FANCC: variants seen among roughly 807,000 people sequenced by gnomAD.
FANCC encodes Fanconi anemia group C protein.
In FANCC, 55 loss-of-function variants were observed where a neutral mutation model predicts 71.3. That is an observed-to-expected ratio of 0.77 (90% CI 0.62 to 0.97). The LOEUF is 0.97. Ranked by LOEUF, FANCC falls within the 50% of genes least tolerant of loss-of-function variation. The pLI is 0.00. For missense variants in FANCC, 678 were observed against 670.9 expected (o/e 1.01, Z -0.12); for synonymous variants, 275 against 244.9 (o/e 1.12, Z -1.15).
chr9:95,210,132 C>A (rs925757959), intron 4 of FANCC, among the ~76,000 whole-genome samples: 3 of 152,090 alleles, frequency 2.0e-5, no homozygotes, highest in Non-Finnish European at 4.4e-5. Flanking sequence ...ATTTTAGAAA[C>A]AGGAAAAATT....
At chr9:95,104,050 C>T (rs915784021) in intron 14 of FANCC, among the ~76,000 whole-genome samples, 2 of 152,144 alleles carry the variant, frequency 1.3e-5, no homozygotes, top group East Asian at 1.9e-4. Flanking sequence ...GAAAGGCCGT[C>T]CCACCAAAGC....
At chr9:95,102,047 CAGTG>C (rs2071103421) in intron 14 of FANCC, among the ~76,000 whole-genome samples, 197 bp from the exon 15 acceptor site, 1 of 152,218 alleles carries the variant, frequency 6.6e-6, no homozygotes, top group African/African-American at 2.4e-5. Flanking sequence ...GCTGGCTACA[CAGTG>C]AGCGGTGCCA....
At chr9:95,162,286 T>C (rs1161205853) in intron 6 of FANCC, among the ~76,000 whole-genome samples, 1 of 151,974 alleles carries the variant, frequency 6.6e-6, no homozygotes, top group East Asian at 1.9e-4. Flanking sequence ...ATGACAGGAC[T>C]TCCTTCTTTT....
At chr9:95,252,121 T>C (rs775186053) in intron 1 of FANCC, among the ~76,000 whole-genome samples, 10 of 150,052 alleles carry the variant, frequency 6.7e-5, no homozygotes, top group Non-Finnish European at 1.2e-4. Flanking sequence ...CTACTGAAAA[T>C]AACAAAAATT....
At position 95,101,630 on chromosome 9, in the gene FANCC, C is replaced by T. The variant is rs56383909; in HGVS notation, c.*77G>A. 2.2e-4 allele frequency: 344 copies of T among 1,584,522 alleles called. No homozygotes were observed. The African/African-American group carries it at 3.0e-3, about 14-fold the overall frequency. Reference sequence around the variant, plus strand: ...GGGCACTTACTCCACAAATGCGTGGCCACAGGTCATCACCTGTCCTGTGGC... The same window carrying T: ...GGGCACTTACTCCACAAATGCGTGGTCACAGGTCATCACCTGTCCTGTGGC... On this transcript the variant is annotated 3_prime_UTR_variant, in exon 15 of 15. Transcript: ENST00000289081.
intron 1 of FANCC, among the ~76,000 whole-genome samples, chr9:95,297,299 GAGATAGAGGCC>G (rs2136342866): frequency 6.6e-6 from 1 of 152,324 alleles, no homozygotes; most frequent in South Asian, 2.1e-4. Context: ...AGGGCATCTA[GAGATAGAGGCC>G]AGCCAAAGGA....
chr9:95,210,026 C>G (rs892469768), intron 4 of FANCC, among the ~76,000 whole-genome samples: 1 of 152,126 alleles, frequency 6.6e-6, no homozygotes, highest in Non-Finnish European at 1.5e-5. Context: ...TGAATGCACA[C>G]GACTACATGC....
chr9:95,304,623 G>A (rs10993507), intron 1 of FANCC, among the ~76,000 whole-genome samples: 1 of 151,136 alleles, frequency 6.6e-6, no homozygotes, highest in African/African-American at 2.4e-5. Flanking sequence ...GGTGGCGAGC[G>A]CCTGTAATCC....
chr9:95,273,233 G>A (rs1033601310), intron 1 of FANCC, among the ~76,000 whole-genome samples: 3 of 152,330 alleles, frequency 2.0e-5, no homozygotes, highest in South Asian at 2.1e-4. Flanking sequence ...ACTGACTGAA[G>A]GGTACCCCAA....
chr9:95,198,133 T>C (rs769405630), intron 4 of FANCC, among the ~76,000 whole-genome samples: 4 of 152,170 alleles, frequency 2.6e-5, no homozygotes, highest in Non-Finnish European at 5.9e-5. Context: ...ACACACGTCA[T>C]GACCCAGCAG....
Position 95,135,388 on chromosome 9 carries a change from A to G in FANCC, c.801T>C (p.Asn267=), listed in dbSNP as rs1398367594. The G allele has an allele frequency of 6.2e-7, 1 of 1,614,010 alleles. No individual in the cohort carries two copies. The highest frequency in any genetic ancestry group is 1.1e-5 in the South Asian group (1 of 91,078). Residue 267 remains asparagine (N), a synonymous_variant, in exon 8 of 15, where the codon AAT becomes AAC. Coordinates refer to ENST00000289081, the MANE Select transcript of FANCC (RefSeq NM_000136.3). ...LFEKLISSER[N]CLRRIECFIK... Reference sequence around the variant, plus strand: ...TAAAGCATTCGATCCTTCTCAGACAATTTCTCTCACTGGAGATTAGCTTTT... The same window carrying G: ...TAAAGCATTCGATCCTTCTCAGACAGTTTCTCTCACTGGAGATTAGCTTTT...
intron 4 of FANCC, among the ~76,000 whole-genome samples, chr9:95,182,477 G>A (rs1325608027): frequency 2.6e-5 from 4 of 152,168 alleles, no homozygotes; most frequent in Admixed American, 6.5e-5. Flanking sequence ...CCAAGATCGC[G>A]CTACTGCACT....
At chr9:95,238,076 T>C (rs972813331) in intron 4 of FANCC, among the ~76,000 whole-genome samples, 1 of 152,236 alleles carries the variant, frequency 6.6e-6, no homozygotes, top group African/African-American at 2.4e-5. Context: ...GTTGCTTCTC[T>C]CCTTCTACTT....
chr9:95,159,945 A>T (rs985823047), intron 6 of FANCC, among the ~76,000 whole-genome samples: 3 of 152,186 alleles, frequency 2.0e-5, no homozygotes, highest in Non-Finnish European at 2.9e-5. Context: ...TCAGATGGCT[A>T]GATTGCAAAA....
intron 1 of FANCC, among the ~76,000 whole-genome samples, chr9:95,259,493 A>C (rs1831889287): frequency 6.6e-6 from 1 of 152,246 alleles, no homozygotes; most frequent in African/African-American, 2.4e-5. Context: ...AGCCATATGC[A>C]GAAAACTGAA....
chr9:95,258,728 T>C (rs1017663905), intron 1 of FANCC, among the ~76,000 whole-genome samples: 7 of 152,152 alleles, frequency 4.6e-5, no homozygotes, highest in Non-Finnish European at 2.9e-5. Context: ...CATATTCAAA[T>C]AGGAAGACAG....
At chr9:95,317,481 G>A (rs1161845619) in intron 1 of FANCC, 45 bp downstream of exon 1, 1 of 152,338 alleles carries the variant, frequency 6.6e-6, no homozygotes, top group Non-Finnish European at 1.5e-5. Flanking sequence ...CCAGACCCCC[G>A]AGGGAAGCCT....
intron 12 of FANCC, chr9:95,114,424 G>A: frequency 4.5e-6 from 3 of 659,714 alleles, no homozygotes; most frequent in Non-Finnish European, 8.3e-6. Flanking sequence ...ATGCATACAT[G>A]CGCATGCCTA....
intron 6 of FANCC, among the ~76,000 whole-genome samples, chr9:95,162,483 G>T (rs1830810219): frequency 6.6e-6 from 1 of 152,186 alleles, no homozygotes; most frequent in Non-Finnish European, 1.5e-5. Flanking sequence ...ATATGGGATT[G>T]CTGGATCATT....
Sources: allele counts gnomAD v4.1 joint callset (sites outside exome capture counted in the v4.1 genomes callset), GRCh38; gene constraint gnomAD v4.1.1; transcripts MANE v1.5; gene names NCBI Gene and HGNC (gene_info 2026-07-23, HGNC 2026-07-21).